LIMCH1: variants seen among roughly 807,000 people sequenced by gnomAD.
The protein encoded by LIMCH1 is LIM and calponin homology domains 1.
In LIMCH1, 113 loss-of-function variants were observed where a neutral mutation model predicts 176.5. The ratio of observed to expected loss-of-function variants is 0.64; its 90% CI spans 0.55 to 0.75. The LOEUF is 0.75. LIMCH1 is among the 30% of genes least tolerant of loss of function. LIMCH1 has a pLI of 0.00. For synonymous variants in LIMCH1, 619 were observed against 645.9 expected, an observed-to-expected ratio of 0.96 and a Z score of 0.63; for missense variants, 1,674 against 1,814.9, an observed-to-expected ratio of 0.92 and a Z score of 1.41.
intron 4 of LIMCH1, chr4:41,609,783 A>G: frequency 2.6e-6 from 1 of 382,636 alleles, no homozygotes; most frequent in Non-Finnish European, 5.2e-6. Context: ...AGCAGAGACA[A>G]TGTTAATTAG....
upstream of LIMCH1, among the ~76,000 whole-genome samples, chr4:41,360,244 G>A (rs1272403810): frequency 6.6e-6 from 1 of 151,772 alleles, no homozygotes; most frequent in East Asian, 2.0e-4. The surrounding 1 kb of genome is among the most constrained non-coding windows in gnomAD (Gnocchi z 4.5). Flanking sequence ...CCCGGCGCCG[G>A]GCCAGGGGCT....
chr4:41,411,552 A>C (rs1157045961), intron 1 of LIMCH1, among the ~76,000 whole-genome samples: 1 of 151,894 alleles, frequency 6.6e-6, no homozygotes, highest in Non-Finnish European at 1.5e-5. Context: ...GCTTTAAGCA[A>C]CCAAACCTGA....
intron 18 of LIMCH1, among the ~76,000 whole-genome samples, chr4:41,657,303 C>G (rs576220412): frequency 2.6e-5 from 4 of 152,328 alleles, no homozygotes; most frequent in African/African-American, 9.6e-5. Context: ...ACACATTTTT[C>G]CATCAAGGCG....
chr4:41,576,656 C>T (rs1445847121), intron 1 of LIMCH1, among the ~76,000 whole-genome samples: 1 of 152,092 alleles, frequency 6.6e-6, no homozygotes, highest in African/African-American at 2.4e-5. Context: ...GTCTGTTCTG[C>T]AGTAGTTAGG....
intron 1 of LIMCH1, among the ~76,000 whole-genome samples, chr4:41,455,651 C>A (rs1034355219): frequency 4.6e-5 from 7 of 151,858 alleles, no homozygotes; most frequent in Non-Finnish European, 8.8e-5. Context: ...ACAAAAAAAC[C>A]CAAATAAAAC....
upstream of LIMCH1, chr4:41,360,720 G>GGGCGGGGAGA: frequency 3.5e-6 from 2 of 572,286 alleles, no homozygotes; most frequent in Non-Finnish European, 5.4e-6. This position sits in a 1 kb window ranked among gnomAD's most constrained non-coding sequence, Gnocchi z 4.5. Context: ...CGCCGGCCGG[G>GGGCGGGGAGA]GGCGGGGAGA....
chr4:41,419,106 C>G (rs764140422), intron 1 of LIMCH1, among the ~76,000 whole-genome samples: 1 of 151,918 alleles, frequency 6.6e-6, no homozygotes, highest in Non-Finnish European at 1.5e-5. Flanking sequence ...TTTTACATTT[C>G]TAAGTCACTA....
chr4:41,466,653 A>G (rs1472215732), intron 1 of LIMCH1, among the ~76,000 whole-genome samples: 23 of 152,242 alleles, frequency 1.5e-4, no homozygotes, highest in Admixed American at 1.5e-3. Flanking sequence ...AATAGCCAGA[A>G]TGATAGATTT....
chr4:41,412,059 A>G (rs2154124235), intron 1 of LIMCH1, among the ~76,000 whole-genome samples: 1 of 151,164 alleles, frequency 6.6e-6, no homozygotes, highest in South Asian at 2.1e-4. Context: ...AACCAGCCTC[A>G]TTAGCAGAGA....
Position 41,655,454 on chromosome 4 carries a change from A to C in LIMCH1, c.3036+4846A>C, listed in dbSNP as rs555753917. Among the ~76,000 whole-genome samples the C allele has an allele frequency of 3.9e-5, 6 of 152,320 alleles. No homozygotes were observed. The South Asian group carries it at 1.2e-3, about 32-fold the overall frequency. ...TATTTAATACATTTTTCAGAGGCCC[A>C]AAAAGGCAATCAGTATGAAGTTTTT... is the stretch of plus-strand genomic sequence containing the variant. On this transcript the variant is annotated intron_variant, in intron 18 of 31. Transcript: ENST00000503057.
intron 2 of LIMCH1, among the ~76,000 whole-genome samples, chr4:41,501,857 C>CTT (rs71198662): frequency 0.015 from 1,123 of 74,870 alleles, 19 homozygotes; most frequent in Non-Finnish European, 0.022. Flanking sequence ...GTGTAGAATC[C>CTT]TTTTTTTTTT....
At chr4:41,520,229 C>T (rs1244833809) in intron 2 of LIMCH1, among the ~76,000 whole-genome samples, 1 of 152,046 alleles carries the variant, frequency 6.6e-6, no homozygotes, top group Non-Finnish European at 1.5e-5. Flanking sequence ...CCATCTTGTC[C>T]CAGACCTCTT....
At chr4:41,402,098 C>T (rs2058501741) in intron 1 of LIMCH1, among the ~76,000 whole-genome samples, 1 of 152,174 alleles carries the variant, frequency 6.6e-6, no homozygotes, top group African/African-American at 2.4e-5. Flanking sequence ...AGAGGGCATC[C>T]CTGTCTTGTG....
chr4:41,570,612 A>G (rs779567220), intron 1 of LIMCH1, among the ~76,000 whole-genome samples: 2 of 152,224 alleles, frequency 1.3e-5, no homozygotes, highest in Non-Finnish European at 2.9e-5. Flanking sequence ...AATTTCCACC[A>G]TCTGTAACAG....
chr4:41,597,261 A>G (rs2089041808), intron 1 of LIMCH1, among the ~76,000 whole-genome samples: 3 of 152,072 alleles, frequency 2.0e-5, no homozygotes, highest in Non-Finnish European at 2.9e-5. Context: ...ATCTTGGACA[A>G]TTTGCTTAAT....
intron 1 of LIMCH1, among the ~76,000 whole-genome samples, chr4:41,382,823 C>T (rs944067187): frequency 2.6e-5 from 4 of 152,166 alleles, no homozygotes; most frequent in Non-Finnish European, 5.9e-5. Flanking sequence ...CAGAGTCTTG[C>T]TACCATCACC....
chr4:41,407,925 C>T (rs2059133470), intron 1 of LIMCH1, among the ~76,000 whole-genome samples: 2 of 152,112 alleles, frequency 1.3e-5, no homozygotes, highest in Non-Finnish European at 2.9e-5. Flanking sequence ...TATTGCTGGA[C>T]TTAGTTTTGT....
intron 1 of LIMCH1, among the ~76,000 whole-genome samples, chr4:41,382,488 G>A (rs1348737883): frequency 1.3e-5 from 2 of 152,128 alleles, no homozygotes; most frequent in African/African-American, 4.8e-5. Context: ...TAGGGAGGGG[G>A]AATTGGAAGC....
At chr4:41,650,642 G>C (rs745979107) in intron 18 of LIMCH1, 34 bp downstream of exon 18, 1 of 1,535,682 alleles carries the variant, frequency 6.5e-7, no homozygotes, top group East Asian at 2.3e-5. Context: ...CTCCCTTTGG[G>C]ATAATTCCAT....
Sources: gnomAD v4.1 joint callset for allele counts (sites outside exome capture counted in the v4.1 genomes callset) on GRCh38, gnomAD v4.1.1 for gene constraint, Gnocchi (gnomAD v3.1) non-coding constraint, MANE v1.5 for transcripts, NCBI Gene and HGNC (gene_info 2026-07-23, HGNC 2026-07-21) for gene names.